Variants in PDHX observed in about 807,000 individuals in gnomAD.
The protein encoded by PDHX is pyruvate dehydrogenase complex component X.
Under a neutral mutation model 55.3 loss-of-function variants are expected in PDHX, and 33 were observed. That is an observed-to-expected ratio of 0.60 (90% CI 0.45 to 0.80). The LOEUF (loss-of-function observed/expected upper bound fraction) is 0.80. Among genes scored for constraint, PDHX ranks in the 30% least tolerant of loss-of-function variants. The pLI, the probability that PDHX is intolerant of heterozygous loss-of-function variation, is 0.00. For missense variants in PDHX, 622 were observed against 619.9 expected (o/e 1.00, Z -0.04); for synonymous variants, 226 against 219.4 (o/e 1.03, Z -0.27).
chr11:34,957,386 T>C lies in PDHX; in HGVS notation c.345T>C (p.Val115=). ...SDDGILAKIV[V]EEGSKNIRLG... is the part of the protein sequence containing the mutation. ...AGTTACTTCTTTTTTAAATATAGGT[T>C]GAAGAAGGAAGTAAAAATATACGGC... The change falls in exon 4 of 11, where the codon GTT becomes GTC. Residue 115 remains valine (V), a splice_region_variant and synonymous_variant. Transcript: ENST00000227868. 1 of 1,588,640 alleles carries C rather than the reference T, an allele frequency of 6.3e-7. No homozygotes were observed. The highest frequency in any genetic ancestry group is 8.6e-7 in the Non-Finnish European group (1 of 1,156,904).
At chr11:34,960,315 T>TAA in intron 4 of PDHX, 105 bp from the exon 5 acceptor site, 7 of 751,850 alleles carry the variant, frequency 9.3e-6, no homozygotes, top group Non-Finnish European at 1.6e-5. Flanking sequence ...TTAGCTTTAT[T>TAA]ATAAGATTTT....
chr11:34,920,774 G>A (rs1018690307), intron 1 of PDHX, among the ~76,000 whole-genome samples: 2 of 152,048 alleles, frequency 1.3e-5, no homozygotes, highest in East Asian at 3.9e-4. Flanking sequence ...TATCTCTACG[G>A]AAGGCAGAAG....
At chr11:34,946,405 G>T (rs937106755) in intron 2 of PDHX, among the ~76,000 whole-genome samples, 6 of 151,964 alleles carry the variant, frequency 3.9e-5, no homozygotes, top group Admixed American at 3.9e-4. Flanking sequence ...CTTCTGAAAA[G>T]AATTTTTGTT....
At chr11:34,991,434 G>A (rs184032320) in intron 9 of PDHX, among the ~76,000 whole-genome samples, 9 of 152,202 alleles carry the variant, frequency 5.9e-5, no homozygotes, top group Admixed American at 5.9e-4. Context: ...ATTTCTGAAG[G>A]CTGACAACAC....
At chr11:34,983,763 T>G (rs1459417352) in intron 8 of PDHX, among the ~76,000 whole-genome samples, 4 of 151,996 alleles carry the variant, frequency 2.6e-5, no homozygotes, top group African/African-American at 9.7e-5. Context: ...CACTGCTCGA[T>G]GAAATAAAAG....
chr11:34,949,124 C>G (rs979060490), intron 3 of PDHX, among the ~76,000 whole-genome samples: 20 of 152,206 alleles, frequency 1.3e-4, no homozygotes, highest in African/African-American at 4.8e-4. Flanking sequence ...ATATTTTAGG[C>G]CTTTGTGGCT....
chr11:34,961,146 C>T (rs1855014478), intron 5 of PDHX, among the ~76,000 whole-genome samples: 2 of 152,204 alleles, frequency 1.3e-5, no homozygotes, highest in East Asian at 1.9e-4. Context: ...TTAAGCAGTT[C>T]GTCTAGCTCC....
intron 8 of PDHX, among the ~76,000 whole-genome samples, chr11:34,983,438 A>G (rs111694537): frequency 0.047 from 7,159 of 152,236 alleles, 534 homozygotes; most frequent in African/African-American, 0.16. Context: ...ATCAGGCAGG[A>G]GAAAGAAATA....
chr11:34,948,225 C>T (rs1310765745), intron 3 of PDHX, among the ~76,000 whole-genome samples: 1 of 152,142 alleles, frequency 6.6e-6, no homozygotes, highest in South Asian at 2.1e-4. Flanking sequence ...ATAAATGTTA[C>T]TTTTCCCATT....
rs1565162666 is a variant in PDHX at position 34,964,813 on chromosome 11, T to TTAGCTATTAGCATAACTAA, written c.642-1824_642-1806dup. Among the ~76,000 whole-genome samples, 11 of 143,836 alleles carry TTAGCTATTAGCATAACTAA rather than the reference T, an allele frequency of 7.6e-5. No individual in the cohort carries two copies. In the South Asian group the frequency reaches 1.1e-3, roughly 14 times the overall value. The allele number at this position is 143,836 out of a possible 152,430, so 94.4% of individuals were successfully genotyped here. On this transcript the variant is annotated intron_variant, in intron 5 of 10. Coordinates refer to ENST00000227868, the MANE Select transcript of PDHX (RefSeq NM_003477.3). ...ATATTAGCTATTAGCATAACTAATATTAGCTATTAGCATAACTAATATTAG... is the reference window on the plus strand; with the variant it reads ...ATATTAGCTATTAGCATAACTAATATTAGCTATTAGCATAACTAATAGCTATTAGCATAACTAATATTAG...
At chr11:34,975,206 G>T (rs1399805411) in intron 7 of PDHX, among the ~76,000 whole-genome samples, 1 of 151,610 alleles carries the variant, frequency 6.6e-6, no homozygotes, top group Non-Finnish European at 1.5e-5. Flanking sequence ...TTACCAATTT[G>T]GCTATTGTAT....
chr11:34,968,528 A>G (rs972471639), intron 6 of PDHX, among the ~76,000 whole-genome samples: 3 of 152,336 alleles, frequency 2.0e-5, no homozygotes, highest in Admixed American at 6.5e-5. Flanking sequence ...TTTTTGAGAG[A>G]TCCAAGGAAC....
At chr11:34,993,241 CTG>C (rs1298413543) in intron 10 of PDHX, among the ~76,000 whole-genome samples, 1 of 151,704 alleles carries the variant, frequency 6.6e-6, no homozygotes, top group Non-Finnish European at 1.5e-5. Context: ...CTTTCACACT[CTG>C]TGACTTGCCT....
chr11:34,947,939 CA>C (rs1411081106), intron 3 of PDHX, among the ~76,000 whole-genome samples: 1 of 152,138 alleles, frequency 6.6e-6, no homozygotes, highest in African/African-American at 2.4e-5. Context: ...TTGAGCCAAC[CA>C]GCGTGTTTGT....
intron 1 of PDHX, among the ~76,000 whole-genome samples, chr11:34,920,623 G>C (rs1327013338): frequency 6.6e-6 from 1 of 152,116 alleles, no homozygotes; most frequent in Non-Finnish European, 1.5e-5. Flanking sequence ...ATCTAACACT[G>C]AGTAATGATT....
intron 3 of PDHX, among the ~76,000 whole-genome samples, chr11:34,952,070 A>T (rs1025806551): frequency 6.6e-6 from 1 of 152,206 alleles, no homozygotes; most frequent in East Asian, 1.9e-4. Context: ...ACACCTCTAC[A>T]CAAATAAACT....
chr11:34,985,641 A>C (rs1258720130), intron 9 of PDHX, among the ~76,000 whole-genome samples: 6 of 152,190 alleles, frequency 3.9e-5, no homozygotes. Flanking sequence ...GAAGTATCAC[A>C]AGTCTTAAAG....
rs780555750 is a variant in PDHX at position 34,957,543 on chromosome 11, TCCATC to T, written c.505_509del (p.Ile169CysfsTer30). ...TCGCCCCTCACCAGAACCACAGATT[TCCATC>T]CCTGTCAAGAAGGAACACATACCCG... On this transcript the variant is annotated frameshift_variant, in exon 4 of 11. Coordinates refer to ENST00000227868, the MANE Select transcript of PDHX (RefSeq NM_003477.3). LOFTEE classifies it high-confidence loss of function. 6.2e-7 allele frequency: 1 copy of T among 1,614,012 alleles called. No individual in the cohort carries two copies. Among genetic ancestry groups the T allele is most frequent in the South Asian group, 1.1e-5 (1 of 91,076 alleles).
At chr11:34,974,532 A>G (rs2133987834) in intron 7 of PDHX, among the ~76,000 whole-genome samples, 1 of 152,304 alleles carries the variant, frequency 6.6e-6, no homozygotes, top group South Asian at 2.1e-4. Context: ...TATCCCCAGA[A>G]GTGGAATTAC....
Sources: gnomAD v4.1 joint callset for allele counts (sites outside exome capture counted in the v4.1 genomes callset) on GRCh38, gnomAD v4.1.1 for gene constraint, MANE v1.5 for transcripts, NCBI Gene and HGNC (gene_info 2026-07-23, HGNC 2026-07-21) for gene names.